Variants in PRKAR1A observed in about 807,000 individuals in gnomAD.
The protein encoded by PRKAR1A is protein kinase cAMP-dependent type I regulatory subunit alpha.
PRKAR1A carries 3 observed loss-of-function variants against 52.0 expected under a neutral mutation model. The ratio of observed to expected loss-of-function variants is 0.06; its 90% CI spans 0.03 to 0.15. The LOEUF (loss-of-function observed/expected upper bound fraction) is 0.15. Ranked by LOEUF, PRKAR1A falls within the 10% of genes least tolerant of loss-of-function variation. PRKAR1A has a pLI of 1.00. For missense variants in PRKAR1A, 240 were observed against 477.4 expected, an observed-to-expected ratio of 0.50 and a Z score of 4.63; for synonymous variants, 188 against 168.4, an observed-to-expected ratio of 1.12 and a Z score of -0.90.
chr17:68,532,290 T>TA lies in PRKAR1A; in HGVS notation c.*1842dup. 12 of 1,048,120 alleles carry TA rather than the reference T, an allele frequency of 1.1e-5. No individual in the cohort carries two copies. Among genetic ancestry groups the TA allele is most frequent in the Non-Finnish European group, 1.4e-5 (12 of 863,482 alleles). 64.9% of individuals were successfully genotyped at this position (1,048,120 alleles called of 1,614,324 possible). A position where few individuals can be genotyped will look rare whatever the true frequency, so the allele number is the denominator to read the frequency against. Reference sequence around the variant, plus strand: ...AATGCCAAAATGTACTTAAATGAGTTACTTAGAATGCCATAAAATTGCAGT... The same window carrying TA: ...AATGCCAAAATGTACTTAAATGAGTTAACTTAGAATGCCATAAAATTGCAGT... On this transcript the variant is annotated 3_prime_UTR_variant, in exon 11 of 11. Transcript: ENST00000589228.
the PRKAR1A span, chr17:68,420,598 A>G: frequency 3.8e-6 from 4 of 1,054,516 alleles, no homozygotes; most frequent in South Asian, 6.0e-5. Flanking sequence ...AGCCTTGCAT[A>G]TCCCTTCTGT....
the PRKAR1A span, among the ~76,000 whole-genome samples, chr17:68,454,506 C>T: frequency 2.0e-5 from 3 of 152,130 alleles, no homozygotes; most frequent in South Asian, 2.1e-4. Flanking sequence ...TAGCTGGTGA[C>T]GTCTCGCAGC....
chr17:68,498,085 G>C, the PRKAR1A span, among the ~76,000 whole-genome samples: 1 of 151,340 alleles, frequency 6.6e-6, no homozygotes, highest in African/African-American at 2.4e-5. Context: ...TAAAGGGGGG[G>C]TTAAGGGATT....
rs1318061217 is a variant in PRKAR1A, at chr17:68,531,397, T to A, written c.*948T>A. ...TAAACTGATTCCAGGAGATTGGATT[T>A]GCTGTGACTAGATACAGATGGAGCA... On this transcript the variant is annotated 3_prime_UTR_variant, in exon 11 of 11. Coordinates refer to ENST00000589228, the MANE Select transcript of PRKAR1A (RefSeq NM_002734.5). The A allele has an allele frequency of 1.9e-5, 20 of 1,065,774 alleles. No individual in the cohort carries two copies. The highest frequency in any genetic ancestry group is 2.3e-5 in the Non-Finnish European group (20 of 879,558). The allele number at this position is 1,065,774 out of a possible 1,614,324, so 66.0% of individuals were successfully genotyped here.
chr17:68,430,203 C>A, the PRKAR1A span: 1 of 1,567,492 alleles, frequency 6.4e-7, no homozygotes, highest in Non-Finnish European at 8.6e-7. Context: ...GGGCTGCAGG[C>A]CCCACACGCA....
the PRKAR1A span, chr17:68,420,547 A>T: frequency 1.4e-6 from 2 of 1,452,594 alleles, no homozygotes. Flanking sequence ...CTCTTTACAA[A>T]CACACGCTTT....
At chr17:68,492,411 C>T in the PRKAR1A span, among the ~76,000 whole-genome samples, 25 of 152,080 alleles carry the variant, frequency 1.6e-4, no homozygotes, top group Non-Finnish European at 3.1e-4. Context: ...CCCACCCCTG[C>T]GAGCCAGCCG....
the PRKAR1A span, among the ~76,000 whole-genome samples, chr17:68,486,475 T>G: frequency 1.2e-5 from 1 of 83,034 alleles, no homozygotes; most frequent in East Asian, 3.9e-4. Flanking sequence ...CTTTCTCTCC[T>G]TCCTTCCTTC....
the PRKAR1A span, among the ~76,000 whole-genome samples, chr17:68,478,275 AACCT>A: frequency 6.6e-6 from 1 of 152,178 alleles, no homozygotes; most frequent in Non-Finnish European, 1.5e-5. Flanking sequence ...AACATGGTGA[AACCT>A]TGTCTCTACT....
chr17:68,426,881 A>G, the PRKAR1A span, among the ~76,000 whole-genome samples: 1 of 152,222 alleles, frequency 6.6e-6, no homozygotes, highest in Non-Finnish European at 1.5e-5. Context: ...ACTTGTTAGG[A>G]AAAAGACCGT....
the PRKAR1A span, chr17:68,427,702 A>G: frequency 1.9e-5 from 3 of 158,778 alleles, no homozygotes; most frequent in South Asian, 1.8e-4. Context: ...ACACACCGTC[A>G]AAATGGCCTC....
chr17:68,530,530 C>A lies in PRKAR1A; in HGVS notation c.*81C>A. 6.2e-7 allele frequency: 1 copy of A among 1,611,214 alleles called. No homozygotes were observed. Among genetic ancestry groups the A allele is most frequent in the Admixed American group, 1.7e-5 (1 of 59,696 alleles). ...CAAACTGCTTTATTTTCCCTACTTG[C>A]AGCGCCAAGTGGCCACTGGCATCGC... On this transcript the variant is annotated 3_prime_UTR_variant, in exon 11 of 11. Transcript: ENST00000589228.
At chr17:68,500,049 CAAAG>C in the PRKAR1A span, among the ~76,000 whole-genome samples, 1 of 152,166 alleles carries the variant, frequency 6.6e-6, no homozygotes, top group Admixed American at 6.5e-5. Flanking sequence ...TATTTGCAAA[CAAAG>C]AAACATAACC....
the PRKAR1A span, among the ~76,000 whole-genome samples, chr17:68,479,216 T>G: frequency 6.6e-6 from 1 of 152,238 alleles, no homozygotes; most frequent in South Asian, 2.1e-4. Flanking sequence ...TTATTCACAG[T>G]CTTAATATTT....
chr17:68,471,569 C>T, the PRKAR1A span, among the ~76,000 whole-genome samples: 2 of 152,162 alleles, frequency 1.3e-5, no homozygotes, highest in African/African-American at 4.8e-5. Flanking sequence ...CTATTCTTTT[C>T]CCACCTCCTC....
At chr17:68,427,358 GTTAT>G in the PRKAR1A span, 16 of 859,426 alleles carry the variant, frequency 1.9e-5, no homozygotes, top group Middle Eastern at 2.3e-4. Flanking sequence ...AGCTCTGTGG[GTTAT>G]TTATTTATTT....
At chr17:68,539,411 A>C (rs1238903477) in intron 11 of PRKAR1A, 4 of 1,613,658 alleles carry the variant, frequency 2.5e-6, no homozygotes, top group Middle Eastern at 3.3e-4. Flanking sequence ...GAGGAGAAAC[A>C]GGCTTTTATG....
chr17:68,470,070 G>A, the PRKAR1A span, among the ~76,000 whole-genome samples: 7 of 151,552 alleles, frequency 4.6e-5, no homozygotes, highest in African/African-American at 1.2e-4. Flanking sequence ...TAAAAAAGGC[G>A]AATAACATCT....
the PRKAR1A span, among the ~76,000 whole-genome samples, chr17:68,465,374 A>G: frequency 6.6e-6 from 1 of 152,076 alleles, no homozygotes; most frequent in Non-Finnish European, 1.5e-5. Context: ...GCCTCCTTGG[A>G]CTTTCTTGGG....
Sources: gnomAD v4.1 joint callset for allele counts (sites outside exome capture counted in the v4.1 genomes callset) on GRCh38, gnomAD v4.1.1 for gene constraint, MANE v1.5 for transcripts, NCBI Gene and HGNC (gene_info 2026-07-23, HGNC 2026-07-21) for gene names.